ERC2: variants seen among roughly 807,000 people sequenced by gnomAD.
ERC2 encodes ERC protein 2.
In ERC2, 42 loss-of-function variants were observed where a neutral mutation model predicts 114.8. The observed-to-expected ratio is 0.37, with a 90% CI of 0.29 to 0.47. The LOEUF is 0.47. Ranked by LOEUF, ERC2 falls within the 20% of genes least tolerant of loss-of-function variation. The pLI, the probability that ERC2 is intolerant of heterozygous loss-of-function variation, is 0.99. For synonymous variants in ERC2, 454 were observed against 425.5 expected (o/e 1.07, Z -0.82); for missense variants, 939 against 1,150.7 (o/e 0.82, Z 2.66).
At chr3:55,654,934 T>C (rs577507317) in intron 17 of ERC2, among the ~76,000 whole-genome samples, 1 of 152,342 alleles carries the variant, frequency 6.6e-6, no homozygotes, top group Middle Eastern at 3.4e-3. Context: ...TTTCAGTGTA[T>C]GCAGCCCAAC....
At chr3:55,960,908 G>A (rs993816704) in intron 12 of ERC2, among the ~76,000 whole-genome samples, 1 of 152,254 alleles carries the variant, frequency 6.6e-6, no homozygotes, top group Non-Finnish European at 1.5e-5. Flanking sequence ...GCCGAGGGAG[G>A]TGGATCACCT....
In ERC2 at chr3:55,683,972, T is replaced by C. The variant is rs1041654266; in HGVS notation, c.2848-113A>G. On this transcript the variant is annotated intron_variant, in intron 16 of 17. Transcript: ENST00000288221. ...TGGAAAGGCACACTAATCTTCACTT[T>C]GTTTTTTAATCTTCAAGACTGAAGA... The C allele has an allele frequency of 2.5e-6, 3 of 1,193,188 alleles. No homozygotes were observed. The African/African-American group carries it at 4.7e-5, about 19-fold the overall frequency. The allele number at this position is 1,193,188 out of a possible 1,614,324, so 73.9% of individuals were successfully genotyped here. A position where few individuals can be genotyped will look rare whatever the true frequency, so the allele number is the denominator to read the frequency against.
chr3:56,432,697 C>T (rs2061845228), intron 2 of ERC2, among the ~76,000 whole-genome samples: 1 of 152,184 alleles, frequency 6.6e-6, no homozygotes, highest in African/African-American at 2.4e-5. Context: ...GCCAGGGAAA[C>T]AGTTAGGAGG....
chr3:55,759,582 AT>A (rs1379462456), intron 14 of ERC2, among the ~76,000 whole-genome samples: 3 of 151,592 alleles, frequency 2.0e-5, no homozygotes, highest in Admixed American at 6.6e-5. Context: ...CAACAAAAAA[AT>A]GTAACATTAA....
intron 3 of ERC2, among the ~76,000 whole-genome samples, chr3:56,289,093 A>T (rs2054912205): frequency 6.6e-6 from 1 of 151,546 alleles, no homozygotes; most frequent in South Asian, 2.1e-4. Context: ...CCTTGGCTGC[A>T]CGGCTCCACC....
chr3:55,642,330 T>C (rs1575897085), intron 17 of ERC2, among the ~76,000 whole-genome samples: 1 of 133,166 alleles, frequency 7.5e-6, no homozygotes, highest in East Asian at 2.4e-4. Flanking sequence ...TTTTTTTTTT[T>C]CTTTTCTTTT....
At chr3:56,043,158 T>C (rs1344756222) in intron 7 of ERC2, among the ~76,000 whole-genome samples, 1 of 152,080 alleles carries the variant, frequency 6.6e-6, no homozygotes, top group East Asian at 1.9e-4. Flanking sequence ...GATATCGTGA[T>C]AGTCAGAAAG....
intron 4 of ERC2, among the ~76,000 whole-genome samples, chr3:56,162,824 G>T (rs2082122037): frequency 3.3e-5 from 5 of 151,860 alleles, no homozygotes. Flanking sequence ...CCAATTTTTA[G>T]TTTCATTGAT....
chr3:56,077,086 CTAAAACAGCCAATTATGCT>C (rs1235874494), intron 7 of ERC2, among the ~76,000 whole-genome samples: 1 of 152,190 alleles, frequency 6.6e-6, no homozygotes, highest in African/African-American at 2.4e-5. Context: ...CAAGCCTGCC[CTAAAACAGCCAATTATGCT>C]GAATGCAGTC....
In ERC2 at chr3:56,047,571, CA is replaced by C. The variant is rs1359863537; in HGVS notation, c.1642-28541del. On this transcript the variant is annotated intron_variant, in intron 7 of 17. Coordinates refer to ENST00000288221, the MANE Select transcript of ERC2 (RefSeq NM_015576.3). ...GCTTAAAGCACACAGGGTATTTAAA[CA>C]AGCCCTGAGAACAAAATGAAGGAGG... Among the ~76,000 whole-genome samples the C allele has an allele frequency of 5.3e-5, 8 of 152,268 alleles. 1 individual carries two copies. The South Asian group carries it at 1.0e-3, about 20-fold the overall frequency.
chr3:55,972,562 A>G (rs1438449014), intron 12 of ERC2, among the ~76,000 whole-genome samples: 1 of 152,190 alleles, frequency 6.6e-6, no homozygotes, highest in Admixed American at 6.5e-5. Context: ...TTTGCTGAGA[A>G]TGATGGTTTC....
At chr3:56,193,305 C>T (rs951052706) in intron 3 of ERC2, among the ~76,000 whole-genome samples, 51 of 152,172 alleles carry the variant, frequency 3.4e-4, no homozygotes, top group African/African-American at 1.2e-3. Context: ...CTCAGGAGTT[C>T]GAGATCAGCC....
chr3:56,295,831 A>C (rs1258086280), intron 3 of ERC2, among the ~76,000 whole-genome samples, 188 bp downstream of exon 3: 3 of 152,238 alleles, frequency 2.0e-5, no homozygotes, highest in Non-Finnish European at 2.9e-5. Context: ...AATGGAATGC[A>C]TGTGCAGTGA....
chr3:55,940,312 A>G (rs2149422501), intron 13 of ERC2, among the ~76,000 whole-genome samples: 1 of 152,240 alleles, frequency 6.6e-6, no homozygotes, highest in African/African-American at 2.4e-5. Context: ...CTTAGAGAAA[A>G]AAAAATCACT....
intron 3 of ERC2, among the ~76,000 whole-genome samples, chr3:56,274,635 G>C (rs1321177687): frequency 6.6e-6 from 1 of 152,186 alleles, no homozygotes; most frequent in Non-Finnish European, 1.5e-5. Flanking sequence ...TATTGTTTGT[G>C]TGGGTGTGTG....
chr3:56,419,933 TG>T (rs1358115505), intron 2 of ERC2, among the ~76,000 whole-genome samples: 2 of 152,230 alleles, frequency 1.3e-5, no homozygotes, highest in Non-Finnish European at 2.9e-5. Context: ...ATTTATTATT[TG>T]GTACATTTCT....
intron 7 of ERC2, among the ~76,000 whole-genome samples, chr3:56,022,311 C>T (rs1328221574): frequency 6.6e-6 from 1 of 152,158 alleles, no homozygotes; most frequent in Non-Finnish European, 1.5e-5. Flanking sequence ...GATGATTTTA[C>T]TTCTCCTCTT....
At chr3:55,786,683 G>A (rs919153199) in intron 14 of ERC2, among the ~76,000 whole-genome samples, 10 of 152,168 alleles carry the variant, frequency 6.6e-5, no homozygotes, top group African/African-American at 2.2e-4. Flanking sequence ...ACTCAACTCC[G>A]TCAACTCCAA....
intron 7 of ERC2, among the ~76,000 whole-genome samples, chr3:56,068,781 G>C (rs34742957): frequency 0.24 from 36,066 of 152,032 alleles, 5,237 homozygotes; most frequent in Admixed American, 0.32. Context: ...CTTGGTTTCT[G>C]CCTTAATTTC....
Sources: gnomAD v4.1 joint callset for allele counts (sites outside exome capture counted in the v4.1 genomes callset) on GRCh38, gnomAD v4.1.1 for gene constraint, MANE v1.5 for transcripts, NCBI Gene and HGNC (gene_info 2026-07-23, HGNC 2026-07-21) for gene names.